TTC17: variants seen among roughly 807,000 people sequenced by gnomAD.
TTC17 encodes the protein tetratricopeptide repeat domain 17.
In TTC17, 58 loss-of-function variants were observed where a neutral mutation model predicts 143.8. The observed-to-expected ratio is 0.40, with a 90% CI of 0.33 to 0.50. The LOEUF (loss-of-function observed/expected upper bound fraction) is 0.50. Among genes scored for constraint, TTC17 ranks in the 20% least tolerant of loss-of-function variants. The probability of loss-of-function intolerance (pLI) is 0.49; values close to 1 mark genes in which losing one functional copy is unlikely to be tolerated. For missense variants in TTC17, 1,273 were observed against 1,392.5 expected (o/e 0.91, Z 1.37); for synonymous variants, 501 against 497.8 (o/e 1.01, Z -0.09).
At chr11:43,372,769 G>A (rs1443173660) in intron 1 of TTC17, among the ~76,000 whole-genome samples, 2 of 152,102 alleles carry the variant, frequency 1.3e-5, no homozygotes, top group Admixed American at 1.3e-4. Context: ...GGGATTACAG[G>A]TGTGAGCCAC....
At chr11:43,475,897 G>C (rs1343165975) in intron 21 of TTC17, among the ~76,000 whole-genome samples, 2 of 152,314 alleles carry the variant, frequency 1.3e-5, no homozygotes, top group East Asian at 3.9e-4. Context: ...TTGGTGTTGA[G>C]AACTAGAATT....
chr11:43,383,594 C>T (rs1299386122), intron 2 of TTC17, among the ~76,000 whole-genome samples: 1 of 151,224 alleles, frequency 6.6e-6, no homozygotes, highest in African/African-American at 2.4e-5. Flanking sequence ...AAACTCCTGA[C>T]CTCAGGTGGA....
intron 1 of TTC17, among the ~76,000 whole-genome samples, chr11:43,373,427 C>T (rs61883551): frequency 0.18 from 27,037 of 151,572 alleles, 2,993 homozygotes; most frequent in Non-Finnish European, 0.24. Context: ...AGGTTCACGC[C>T]ATTCTCCTGC....
In TTC17 at chr11:43,450,475, AG is replaced by A. The variant is rs549140550; in HGVS notation, c.2946+240del. Among the ~76,000 whole-genome samples, 11 of 152,264 alleles carry A rather than the reference AG, an allele frequency of 7.2e-5. 1 individual carries two copies. The East Asian group carries it at 2.1e-3, about 29-fold the overall frequency. ...AATTTTAATTCTGATTTACCCCTCA[AG>A]GGGGGTAGTTCTGCCTTGCCATCAA... is the stretch of plus-strand genomic sequence containing the variant. On this transcript the variant is annotated intron_variant, in intron 20 of 23. Transcript: ENST00000039989.
At chr11:43,430,709 G>GCACACACACACA (rs10658685) in intron 16 of TTC17, among the ~76,000 whole-genome samples, 5,996 of 138,404 alleles carry the variant, frequency 0.043, 178 homozygotes, top group Middle Eastern at 0.069. Flanking sequence ...CTACATACAC[G>GCACACACACACA]CACACACACA....
chr11:43,396,021 T>C (rs1168441789), intron 5 of TTC17: 2 of 152,146 alleles, frequency 1.3e-5, no homozygotes, highest in Non-Finnish European at 2.9e-5. Flanking sequence ...GCTTTTTACA[T>C]ACATGTCAAA....
At chr11:43,360,451 C>T (rs1565124239) in intron 1 of TTC17, among the ~76,000 whole-genome samples, 1 of 152,274 alleles carries the variant, frequency 6.6e-6, no homozygotes, top group East Asian at 1.9e-4. Context: ...TCTTTTGTTT[C>T]TTGATAGTGG....
At chr11:43,463,312 A>G (rs1399482144) in intron 21 of TTC17, among the ~76,000 whole-genome samples, 1 of 152,246 alleles carries the variant, frequency 6.6e-6, no homozygotes, top group African/African-American at 2.4e-5. Flanking sequence ...CAAATTTCCA[A>G]AGATTTAAAT....
chr11:43,401,328 A>T, intron 9 of TTC17, 118 bp from the exon 10 acceptor site: 1 of 616,944 alleles, frequency 1.6e-6, no homozygotes. Context: ...CGTCCTACGT[A>T]AGTAGCCTGC....
At chr11:43,493,253 T>G (rs1448951221) in intron 23 of TTC17, among the ~76,000 whole-genome samples, 1 of 152,206 alleles carries the variant, frequency 6.6e-6, no homozygotes, top group African/African-American at 2.4e-5. Context: ...TCTTTAAATG[T>G]TAAAGAGAAT....
rs745536339 is a variant in TTC17, at chr11:43,451,216, A to G, written c.2981A>G (p.Gln994Arg). Reference protein sequence around the residue: ...LQNLGKDQYPQQSLEQIGTRI... With the variant: ...LQNLGKDQYPRQSLEQIGTRI... ...AATCTCGGCAAAGACCAATATCCAC[A>G]ACAGTCGCTTGAACAGATTGGCACC... is the stretch of plus-strand genomic sequence containing the variant. Residue 994 changes from glutamine to arginine, a missense_variant, in exon 21 of 24, where the codon CAA (glutamine) becomes CGA (arginine). Gln to Arg is a conservative substitution (Grantham distance 43). Coordinates refer to ENST00000039989, the MANE Select transcript of TTC17 (RefSeq NM_018259.6). The G allele has an allele frequency of 2.5e-6, 4 of 1,613,980 alleles. No individual in the cohort carries two copies. The highest frequency in any genetic ancestry group is 3.4e-6 in the Non-Finnish European group (4 of 1,179,858).
chr11:43,395,084 G>A (rs1327811443), intron 5 of TTC17, among the ~76,000 whole-genome samples: 1 of 150,508 alleles, frequency 6.6e-6, no homozygotes, highest in Non-Finnish European at 1.5e-5. Context: ...GATCTCTTCA[G>A]TAGTTCATGT....
intron 16 of TTC17, among the ~76,000 whole-genome samples, chr11:43,433,524 C>T (rs1947208681): frequency 6.6e-6 from 1 of 152,184 alleles, no homozygotes. Context: ...ACAAGACATT[C>T]TTAGAATGCA....
chr11:43,478,085 A>C (rs998080950), intron 21 of TTC17, among the ~76,000 whole-genome samples: 1 of 152,230 alleles, frequency 6.6e-6, no homozygotes, highest in Non-Finnish European at 1.5e-5. Flanking sequence ...ATTTGTGAGA[A>C]ATAACAGGGA....
chr11:43,443,021 A>G lies in TTC17; in HGVS notation c.2252-304A>G, dbSNP rs550692148. Reference sequence around the variant, plus strand: ...CCATCTATGTTTTGAATGTAGAGCAAGTGGATCTTTTTTAAAAAATAGTGT... The same window carrying G: ...CCATCTATGTTTTGAATGTAGAGCAGGTGGATCTTTTTTAAAAAATAGTGT... On this transcript the variant is annotated intron_variant, in intron 16 of 23. Transcript: ENST00000039989. 5.3e-4 allele frequency among the ~76,000 whole-genome samples: 81 copies of G among 152,314 alleles called. 1 individual carries two copies. The South Asian group carries it at 0.015, about 28-fold the overall frequency.
At chr11:43,441,297 A>G (rs927680990) in intron 16 of TTC17, among the ~76,000 whole-genome samples, 6 of 151,008 alleles carry the variant, frequency 4.0e-5, no homozygotes, top group African/African-American at 1.5e-4. Flanking sequence ...AAAAGTCCCT[A>G]TGGGGAGTGA....
chr11:43,434,246 T>A (rs1947233730), intron 16 of TTC17, among the ~76,000 whole-genome samples: 1 of 137,392 alleles, frequency 7.3e-6, no homozygotes. Context: ...CATGGCCTCT[T>A]TCCCATTAGC....
chr11:43,461,228 C>CA (rs1947859071), intron 21 of TTC17, among the ~76,000 whole-genome samples: 2 of 151,764 alleles, frequency 1.3e-5, no homozygotes, highest in Admixed American at 1.3e-4. Context: ...ACTAAAAATA[C>CA]AAAAAATTAG....
chr11:43,447,038 G>A (rs563235367), intron 18 of TTC17, among the ~76,000 whole-genome samples: 2 of 152,184 alleles, frequency 1.3e-5, no homozygotes, highest in East Asian at 3.9e-4. Context: ...ACCTACTTCA[G>A]GCCAGATGCA....
Sources: gnomAD v4.1 joint callset for allele counts (sites outside exome capture counted in the v4.1 genomes callset) on GRCh38, gnomAD v4.1.1 for gene constraint, MANE v1.5 for transcripts, NCBI Gene and HGNC (gene_info 2026-07-23, HGNC 2026-07-21) for gene names.